The following TARBP2 variants were observed in gnomAD, a reference collection of about 807,000 sequenced individuals.
TARBP2 encodes the protein TARBP2 subunit of RISC loading complex.
Under a neutral mutation model 40.4 loss-of-function variants are expected in TARBP2, and 23 were observed. The ratio of observed to expected loss-of-function variants is 0.57; its 90% CI spans 0.41 to 0.81. TARBP2 has a LOEUF of 0.81. TARBP2 is among the 30% of genes least tolerant of loss of function. TARBP2 has a pLI of 0.00. For missense variants in TARBP2, 358 were observed against 473.7 expected, an observed-to-expected ratio of 0.76 and a Z score of 2.27; for synonymous variants, 183 against 190.5, an observed-to-expected ratio of 0.96 and a Z score of 0.32.
At chr12:53,503,228 C>T in intron 3 of TARBP2, 99 bp downstream of exon 3, 2 of 1,430,416 alleles carry the variant, frequency 1.4e-6, no homozygotes, top group Non-Finnish European at 1.8e-6. Flanking sequence ...ACTTAGCCAC[C>T]CTGACCTGGC....
At chr12:53,503,347 A>T in intron 3 of TARBP2, 1 of 1,124,988 alleles carries the variant, frequency 8.9e-7, no homozygotes. Context: ...GGGTTGTGGC[A>T]GTAGGTTGGG....
At position 53,506,103 on chromosome 12, in the gene TARBP2, C is replaced by G; in HGVS notation, c.1056C>G (p.Ala352=). 1.2e-6 allele frequency: 2 copies of G among 1,613,938 alleles called. No individual in the cohort carries two copies. The highest frequency in any genetic ancestry group is 1.7e-6 in the Non-Finnish European group (2 of 1,180,004). ...GGGAGGCAGCCCGTGGTGAGGCTGC[C>G]CGCCGTGCCCTGCAGTACCTCAAGA... ...TTREAARGEA[A]RRALQYLKIM... is the part of the protein sequence containing the mutation. Residue 352 remains alanine (A), a synonymous_variant, in exon 9 of 9, where the codon GCC becomes GCG. Transcript: ENST00000266987.
chr12:53,503,263 C>G, intron 3 of TARBP2, 134 bp downstream of exon 3: 2 of 1,412,602 alleles, frequency 1.4e-6, no homozygotes, highest in Non-Finnish European at 1.9e-6. Context: ...CCCTCTGGAC[C>G]TGAACAGGGT....
chr12:53,501,512 G>A lies in TARBP2; in HGVS notation c.53+51G>A, dbSNP rs76334992. The stretch of plus-strand genomic sequence containing the variant: ...CAGGGCGAAAAGCGTGGGGCCGTGC[G>A]GAGGGAGTAGCGGCGCGGCCCCAGC... On this transcript the variant is annotated intron_variant, in intron 1 of 8. Coordinates refer to ENST00000266987, the MANE Select transcript of TARBP2 (RefSeq NM_134323.2). The A allele has an allele frequency of 3.3e-4, 517 of 1,551,096 alleles. 7 individuals carry two copies. In the East Asian group the frequency reaches 0.012, roughly 35 times the overall value.
chr12:53,506,310 G>A lies in TARBP2; in HGVS notation c.*162G>A. 1.1e-6 allele frequency: 1 copy of A among 892,430 alleles called. No individual in the cohort carries two copies. The allele number at this position is 892,430 out of a possible 1,614,324, so 55.3% of individuals were successfully genotyped here. A position where few individuals can be genotyped will look rare whatever the true frequency, so the allele number is the denominator to read the frequency against. ...AGAAGGCACAGGGCAAGGAGCCAAG[G>A]ACCACAGAGCCTCAGCCAGCCCAGG... On this transcript the variant is annotated 3_prime_UTR_variant, in exon 9 of 9. Transcript: ENST00000266987.
In TARBP2 at chr12:53,501,336, C is replaced by T. The variant is rs1943690850; in HGVS notation, c.-73C>T. ...CGCGACTCCGGGCTTGGCCCCGGCC[C>T]TAGCTCGTCGGCTGTGTATTGGGGC... On this transcript the variant is annotated 5_prime_UTR_variant, in exon 1 of 9. Coordinates refer to ENST00000266987, the MANE Select transcript of TARBP2 (RefSeq NM_134323.2). The T allele has an allele frequency of 3.3e-6, 5 of 1,533,098 alleles. No individual in the cohort carries two copies. In the East Asian group the frequency reaches 9.8e-5, roughly 30 times the overall value. 95.0% of individuals were successfully genotyped at this position (1,533,098 alleles called of 1,614,324 possible).
At chr12:53,503,929 A>C in intron 4 of TARBP2, 121 bp downstream of exon 4, 2 of 755,506 alleles carry the variant, frequency 2.6e-6, no homozygotes, top group Non-Finnish European at 4.6e-6. Flanking sequence ...AGAATGGAAT[A>C]GTTGGGAACC....
chr12:53,502,866 C>T, intron 2 of TARBP2, 161 bp from the exon 3 acceptor site: 1 of 653,714 alleles, frequency 1.5e-6, no homozygotes, highest in Non-Finnish European at 2.4e-6. Flanking sequence ...AGGGCTCTTC[C>T]TTCCAGCAAT....
Position 53,505,801 on chromosome 12 carries a change from C to T in TARBP2, c.894C>T (p.Leu298=), listed in dbSNP as rs775050428. 2.5e-6 allele frequency: 4 copies of T among 1,613,938 alleles called. No homozygotes were observed. The highest frequency in any genetic ancestry group is 2.7e-5 in the African/African-American group (2 of 74,872). The change falls in exon 8 of 9, where the codon CTC becomes CTT. Residue 298 remains leucine (L), a synonymous_variant. Coordinates refer to ENST00000266987, the MANE Select transcript of TARBP2 (RefSeq NM_134323.2). This position sits in a 1 kb window ranked among gnomAD's most constrained non-coding sequence, Gnocchi z 4.5. The stretch of plus-strand genomic sequence containing the variant: ...TGGGCCCTGCCTGCTGCCGTGTCCT[C>T]AGTGAGCTCTCTGAGGAGCAGGCCT... ...GALGPACCRV[L]SELSEEQAFH... is the part of the protein sequence containing the mutation.
In TARBP2 at chr12:53,505,931, G is replaced by C; in HGVS notation, c.944-60G>C. On this transcript the variant is annotated intron_variant, in intron 8 of 8. Coordinates refer to ENST00000266987, the MANE Select transcript of TARBP2 (RefSeq NM_134323.2). This position sits in a 1 kb window ranked among gnomAD's most constrained non-coding sequence, Gnocchi z 4.5. ...AGAAGGGGGTGATGATAACGTGAAC[G>C]CACCCCTCCCCAGGGCTACCTCCCC... 2 of 1,603,716 alleles carry C rather than the reference G, an allele frequency of 1.2e-6. No individual in the cohort carries two copies. Among genetic ancestry groups the C allele is most frequent in the Non-Finnish European group, 1.7e-6 (2 of 1,172,024 alleles).
At position 53,504,682 on chromosome 12, in the gene TARBP2, G is replaced by T. The variant is rs1215816351; in HGVS notation, c.496-16G>T. On this transcript the variant is annotated splice_polypyrimidine_tract_variant and intron_variant, in intron 5 of 8. Transcript: ENST00000266987. ...TTTTTCACTCAGCCTCATGCACCCT[G>T]TGTCTCCCTTCCAAGGAGCTGGTGG... The T allele has an allele frequency of 3.7e-6, 6 of 1,614,178 alleles. No homozygotes were observed. The highest frequency in any genetic ancestry group is 5.1e-6 in the Non-Finnish European group (6 of 1,180,028).
At chr12:53,503,675 C>A in intron 3 of TARBP2, 38 bp from the exon 4 acceptor site, 1 of 1,477,480 alleles carries the variant, frequency 6.8e-7, no homozygotes, top group Non-Finnish European at 9.5e-7. Flanking sequence ...TCCCCCTATA[C>A]ATGGGTGTGA....
rs537282747 is a variant in TARBP2 at position 53,503,847 on chromosome 12, A to G, written c.422+39A>G. The G allele has an allele frequency of 1.9e-6, 3 of 1,566,018 alleles. No homozygotes were observed. The African/African-American group carries it at 4.1e-5, about 21-fold the overall frequency. On this transcript the variant is annotated intron_variant, in intron 4 of 8. Transcript: ENST00000266987. ...CTGACTGCCTGAGGTGGGTGGAGGA[A>G]GGGGTTCTGGTTTTTGGTCCCTCAG... is the stretch of plus-strand genomic sequence containing the variant.
At position 53,503,318 on chromosome 12, in the gene TARBP2, G is replaced by T. The variant is rs1943805099; in HGVS notation, c.326+189G>T. ...TATGAAGAATTCTTGGGGTGGAGGG[G>T]TTGGTTAGCCCCATAGAGGGGTTGT... On this transcript the variant is annotated intron_variant, in intron 3 of 8. Coordinates refer to ENST00000266987, the MANE Select transcript of TARBP2 (RefSeq NM_134323.2). 16 of 1,343,252 alleles carry T rather than the reference G, an allele frequency of 1.2e-5. No homozygotes were observed. In the South Asian group the frequency reaches 2.5e-4, roughly 21 times the overall value. The allele number at this position is 1,343,252 out of a possible 1,614,324, so 83.2% of individuals were successfully genotyped here. A position where few individuals can be genotyped will look rare whatever the true frequency, so the allele number is the denominator to read the frequency against.
At chr12:53,504,607 C>G in intron 5 of TARBP2, 91 bp from the exon 6 acceptor site, 2 of 1,612,076 alleles carry the variant, frequency 1.2e-6, no homozygotes, top group African/African-American at 1.3e-5. Flanking sequence ...CTTCCTCTCA[C>G]CTAGAGTCTG....
chr12:53,501,382 G>A lies in TARBP2; in HGVS notation c.-27G>A. Reference sequence around the variant, plus strand: ...GGGGCGCGTGGAGGCTGCAGTCACGGTGGCGCCCGCGGGGACGGAGGAGGG... The same window carrying A: ...GGGGCGCGTGGAGGCTGCAGTCACGATGGCGCCCGCGGGGACGGAGGAGGG... On this transcript the variant is annotated 5_prime_UTR_variant, in exon 1 of 9. In the 5' UTR this introduces an upstream ATG that the reference lacks. Transcript: ENST00000266987. 1 of 1,555,914 alleles carries A rather than the reference G, an allele frequency of 6.4e-7. No individual in the cohort carries two copies.
At position 53,505,176 on chromosome 12, in the gene TARBP2, G is replaced by T. The variant is rs368267516; in HGVS notation, c.655G>T (p.Ala219Ser). 2.2e-5 allele frequency: 35 copies of T among 1,611,572 alleles called. No individual in the cohort carries two copies. Among genetic ancestry groups the T allele is most frequent in the Non-Finnish European group, 2.8e-5 (33 of 1,178,006 alleles). Residue 219 changes from alanine to serine, a missense_variant, in exon 7 of 9, where the codon GCC becomes TCC. By Grantham distance (99) the Ala-to-Ser change is moderately conservative. Transcript: ENST00000266987. The surrounding 1 kb of genome is among the most constrained non-coding windows in gnomAD (Gnocchi z 4.5). ...AAAATTGGCAAAGCGGAATGCGGCGGCCAAAATGCTGCTTCGAGTGCACAC... is the reference window on the plus strand; with the variant it reads ...AAAATTGGCAAAGCGGAATGCGGCGTCCAAAATGCTGCTTCGAGTGCACAC... ...SKKLAKRNAA[A>S]KMLLRVHTVP...
In TARBP2 at chr12:53,505,350, A is replaced by C. The variant is rs1359463016; in HGVS notation, c.741+88A>C. 6.6e-7 allele frequency: 1 copy of C among 1,504,024 alleles called. No homozygotes were observed. Among genetic ancestry groups the C allele is most frequent in the African/African-American group, 1.4e-5 (1 of 71,574 alleles). 93.2% of individuals were successfully genotyped at this position (1,504,024 alleles called of 1,614,324 possible). ...GACTTGGGTCTGTGACTCAGCAGTGAGCCTCTCTGGGCCCTAGGTCTGCTT... is the reference window on the plus strand; with the variant it reads ...GACTTGGGTCTGTGACTCAGCAGTGCGCCTCTCTGGGCCCTAGGTCTGCTT... On this transcript the variant is annotated intron_variant, in intron 7 of 8. Transcript: ENST00000266987. This position sits in a 1 kb window ranked among gnomAD's most constrained non-coding sequence, Gnocchi z 4.5.
rs1253906725 is a variant in TARBP2 at position 53,506,355 on chromosome 12, G to C, written c.*207G>C. 7 of 607,802 alleles carry C rather than the reference G, an allele frequency of 1.2e-5. No individual in the cohort carries two copies. Among genetic ancestry groups the C allele is most frequent in the African/African-American group, 1.8e-5 (1 of 54,160 alleles). The allele number at this position is 607,802 out of a possible 1,614,324, so 37.7% of individuals were successfully genotyped here. On this transcript the variant is annotated 3_prime_UTR_variant, in exon 9 of 9. Coordinates refer to ENST00000266987, the MANE Select transcript of TARBP2 (RefSeq NM_134323.2). ...CCCAGGATCCGTCCTCATTTTATTGGTGATGATGAATGGGAATGAAATCAG... is the reference window on the plus strand; with the variant it reads ...CCCAGGATCCGTCCTCATTTTATTGCTGATGATGAATGGGAATGAAATCAG...
Sources: allele counts gnomAD v4.1 joint callset, GRCh38; gene constraint gnomAD v4.1.1; non-coding constraint Gnocchi (gnomAD v3.1); transcripts MANE v1.5; gene names NCBI Gene and HGNC (gene_info 2026-07-23, HGNC 2026-07-21).